Variants in PARP11 observed in about 807,000 individuals in gnomAD.
PARP11 encodes the protein protein mono-ADP-ribosyltransferase PARP11.
PARP11 carries 31 observed loss-of-function variants against 42.9 expected under a neutral mutation model. That is an observed-to-expected ratio of 0.72 (90% CI 0.54 to 0.98). The LOEUF is 0.98. Among genes scored for constraint, PARP11 ranks in the 50% least tolerant of loss-of-function variants. The pLI is 0.00. For missense variants in PARP11, 365 were observed against 413.1 expected (o/e 0.88, Z 1.01); for synonymous variants, 137 against 127.3 (o/e 1.08, Z -0.51).
Position 3,810,228 on chromosome 12 carries a change from TAGA to T in PARP11, c.*1892_*1894del, listed in dbSNP as rs1235682868. The T allele has an allele frequency of 6.6e-6, 1 of 152,130 alleles. No homozygotes were observed. Among genetic ancestry groups the T allele is most frequent in the Non-Finnish European group, 1.5e-5 (1 of 68,028 alleles). The allele number at this position is 152,130 out of a possible 1,614,324, so 9.4% of individuals were successfully genotyped here. The stretch of plus-strand genomic sequence containing the variant: ...GGATAATAGAGAGAAAATTCAGCAT[TAGA>T]AGGAGTTAAGAGAAAAGCTTTCTGA... On this transcript the variant is annotated 3_prime_UTR_variant, in exon 8 of 8. Transcript: ENST00000228820.
intron 1 of PARP11, among the ~76,000 whole-genome samples, chr12:3,853,810 AC>A: frequency 6.6e-6 from 1 of 152,228 alleles, no homozygotes; most frequent in African/African-American, 2.4e-5. Flanking sequence ...AGAACTCTCC[AC>A]CCTAAATCAA....
At chr12:3,852,929 GATCTCTCGGCAGA>G (rs1317153016) in intron 1 of PARP11, among the ~76,000 whole-genome samples, 1 of 152,198 alleles carries the variant, frequency 6.6e-6, no homozygotes, top group Non-Finnish European at 1.5e-5. Context: ...ACTAACAGTG[GATCTCTCGGCAGA>G]AACTCTACAA....
intron 2 of PARP11, 48 bp from the exon 3 acceptor site, chr12:3,829,078 G>T (rs1416197325): frequency 6.2e-6 from 10 of 1,608,312 alleles, no homozygotes; most frequent in African/African-American, 2.7e-5. Flanking sequence ...TCACATTAAT[G>T]ACTTGGCCAC....
chr12:3,822,348 C>A (rs922588441), intron 4 of PARP11, among the ~76,000 whole-genome samples, 191 bp from the exon 5 acceptor site: 106 of 151,996 alleles, frequency 7.0e-4, no homozygotes, highest in African/African-American at 2.3e-3. Context: ...CCTGTAATCC[C>A]AGCACTTTGG....
chr12:3,842,567 C>T (rs1947913415), intron 1 of PARP11: 2 of 1,304,418 alleles, frequency 1.5e-6, no homozygotes, highest in Admixed American at 4.1e-5. Flanking sequence ...TGGAATGTTT[C>T]TGAAGGCTTT....
chr12:3,837,013 G>T (rs1196793671), intron 1 of PARP11, among the ~76,000 whole-genome samples: 1 of 152,160 alleles, frequency 6.6e-6, no homozygotes, highest in Admixed American at 6.5e-5. Flanking sequence ...TACCTGAAGG[G>T]AGAACTATCC....
At chr12:3,839,573 T>A in intron 1 of PARP11, 2 of 1,416,150 alleles carry the variant, frequency 1.4e-6, no homozygotes, top group Non-Finnish European at 2.0e-6. Context: ...GAAGGATATT[T>A]AAAGCGCTTG....
rs1343995108 is a variant in PARP11, at chr12:3,812,291, T to C, written c.849A>G (p.Leu283=). The part of the protein sequence containing the change: ...TYKSMFLARV[L]IGDYINGDSK... ...AGTCTCCGTTTATGTAATCTCCAAT[T>C]AGCACTCGAGCAAGAAACATAGATT... Residue 283 remains leucine, a synonymous_variant, in exon 8 of 8, where the codon CTA becomes CTG. Coordinates refer to ENST00000228820, the MANE Select transcript of PARP11 (RefSeq NM_020367.6). The C allele has an allele frequency of 2.5e-6, 4 of 1,614,102 alleles. No individual in the cohort carries two copies. Among genetic ancestry groups the C allele is most frequent in the East Asian group, 2.2e-5 (1 of 44,898 alleles).
chr12:3,847,437 TGAATTC>T (rs1948025630), intron 1 of PARP11, among the ~76,000 whole-genome samples: 1 of 151,772 alleles, frequency 6.6e-6, no homozygotes, highest in Non-Finnish European at 1.5e-5. Flanking sequence ...ACTAGAAAAC[TGAATTC>T]AACAACACAT....
intron 1 of PARP11, among the ~76,000 whole-genome samples, chr12:3,846,769 A>G (rs1171539840): frequency 7.7e-6 from 1 of 130,264 alleles, no homozygotes; most frequent in Non-Finnish European, 1.6e-5. Context: ...AAAAAAAAAA[A>G]AAGAAAAGAA....
At chr12:3,828,731 T>C (rs1947579566) in intron 3 of PARP11, among the ~76,000 whole-genome samples, 179 bp downstream of exon 3, 1 of 152,132 alleles carries the variant, frequency 6.6e-6, no homozygotes, top group Non-Finnish European at 1.5e-5. Flanking sequence ...ACACCTTTTA[T>C]AAAAGGCAAT....
chr12:3,850,310 G>C, intron 1 of PARP11, among the ~76,000 whole-genome samples: 1 of 151,974 alleles, frequency 6.6e-6, no homozygotes, highest in Middle Eastern at 3.4e-3. Flanking sequence ...ATATCAGTTC[G>C]AACACCCCTA....
intron 3 of PARP11, among the ~76,000 whole-genome samples, chr12:3,827,607 T>TA (rs112786211): frequency 1.3e-3 from 188 of 147,730 alleles, no homozygotes; most frequent in Admixed American, 2.4e-3. Flanking sequence ...CTAATGGCAT[T>TA]AAAAAAAAAA....
At chr12:3,851,135 G>T (rs1319183436) in intron 1 of PARP11, among the ~76,000 whole-genome samples, 1 of 152,164 alleles carries the variant, frequency 6.6e-6, no homozygotes, top group Non-Finnish European at 1.5e-5. Context: ...AGCATTGGGG[G>T]TCCATTCCAA....
intron 1 of PARP11, among the ~76,000 whole-genome samples, chr12:3,866,748 G>A (rs1190821399): frequency 6.6e-6 from 1 of 152,098 alleles, no homozygotes; most frequent in African/African-American, 2.4e-5. Context: ...AGCTAAAACA[G>A]GTAAAAATTC....
chr12:3,826,228 T>C lies in PARP11; in HGVS notation c.274A>G (p.Lys92Glu), dbSNP rs775107533. ...TTTCCAGTGGTGAGATTCATTTGCT[T>C]CATTTCTGTATACAAAGACAAGATA... Reference protein sequence around the residue: ...FSYKIDFAEMKQMNLTTGKQR... With the variant: ...FSYKIDFAEMEQMNLTTGKQR... The change falls in exon 4 of 8, where the codon AAG (lysine) becomes GAG (glutamate). Residue 92 changes from lysine to glutamate, a missense_variant. Lys to Glu is a moderately conservative substitution (Grantham distance 56). Transcript: ENST00000228820. 6.3e-7 allele frequency: 1 copy of C among 1,587,940 alleles called. No individual in the cohort carries two copies. Among genetic ancestry groups the C allele is most frequent in the African/African-American group, 1.4e-5 (1 of 73,110 alleles).
intron 7 of PARP11, among the ~76,000 whole-genome samples, chr12:3,812,830 T>C (rs1020114366): frequency 1.1e-4 from 16 of 152,100 alleles, no homozygotes; most frequent in Non-Finnish European, 2.4e-4. Context: ...TGAGACAGAG[T>C]CTTGCTCTGT....
At chr12:3,870,280 T>C (rs993026019) in intron 1 of PARP11, among the ~76,000 whole-genome samples, 1 of 152,190 alleles carries the variant, frequency 6.6e-6, no homozygotes, top group Admixed American at 6.5e-5. Flanking sequence ...CTATTAGTAG[T>C]AATAAAATAC....
chr12:3,833,911 C>CT (rs1416063268), intron 1 of PARP11, among the ~76,000 whole-genome samples: 6 of 152,200 alleles, frequency 3.9e-5, no homozygotes, highest in Admixed American at 3.3e-4. Flanking sequence ...GGGCAGGCTG[C>CT]TGGTGTTTCT....
Sources: allele counts gnomAD v4.1 joint callset (sites outside exome capture counted in the v4.1 genomes callset), GRCh38; gene constraint gnomAD v4.1.1; transcripts MANE v1.5; gene names NCBI Gene and HGNC (gene_info 2026-07-23, HGNC 2026-07-21).